JMJD1C: variants seen among roughly 807,000 people sequenced by gnomAD.
The protein encoded by JMJD1C is jumonji domain-containing protein 1C.
Under a neutral mutation model 245.3 loss-of-function variants are expected in JMJD1C, and 31 were observed. That is an observed-to-expected ratio of 0.13 (90% CI 0.09 to 0.17). The LOEUF (loss-of-function observed/expected upper bound fraction) is 0.17. Among genes scored for constraint, JMJD1C ranks in the 10% least tolerant of loss-of-function variants. JMJD1C has a pLI of 1.00. For synonymous variants in JMJD1C, 1,057 were observed against 1,017.4 expected, an observed-to-expected ratio of 1.04 and a Z score of -0.74; for missense variants, 2,691 against 3,000.2, an observed-to-expected ratio of 0.90 and a Z score of 2.41.
chr10:63,188,444 T>C (rs1844383787), intron 18 of JMJD1C, among the ~76,000 whole-genome samples: 1 of 152,216 alleles, frequency 6.6e-6, no homozygotes, highest in African/African-American at 2.4e-5. Flanking sequence ...TACTCATTTT[T>C]ACATAGCTTA....
At chr10:63,331,801 G>A (rs1248338954) in intron 2 of JMJD1C, among the ~76,000 whole-genome samples, 1 of 152,050 alleles carries the variant, frequency 6.6e-6, no homozygotes, top group Non-Finnish European at 1.5e-5. Context: ...TGTATTTTTA[G>A]TAGAGATGGG....
chr10:63,476,186 G>A (rs1415363957), intron 1 of JMJD1C, among the ~76,000 whole-genome samples: 1 of 150,816 alleles, frequency 6.6e-6, no homozygotes, highest in African/African-American at 2.4e-5. Flanking sequence ...CTCCAGCCTG[G>A]GCGACAGAAT....
At chr10:63,324,213 C>T (rs1941260605) in intron 2 of JMJD1C, among the ~76,000 whole-genome samples, 1 of 151,522 alleles carries the variant, frequency 6.6e-6, no homozygotes, top group African/African-American at 2.4e-5. Flanking sequence ...ATCCTGTGGC[C>T]CAGTCATGCT....
intron 2 of JMJD1C, among the ~76,000 whole-genome samples, chr10:63,303,510 T>C (rs1860341976): frequency 6.6e-6 from 1 of 152,210 alleles, no homozygotes; most frequent in Non-Finnish European, 1.5e-5. Flanking sequence ...TTCGTCATGT[T>C]GGCCAGGCTG....
At chr10:63,247,583 A>T (rs1852382803) in intron 3 of JMJD1C, among the ~76,000 whole-genome samples, 1 of 151,862 alleles carries the variant, frequency 6.6e-6, no homozygotes, top group African/African-American at 2.4e-5. Context: ...TCTACAAAAC[A>T]TACAAAATGT....
At chr10:63,190,717 AAGAC>A (rs1351719588) in intron 17 of JMJD1C, among the ~76,000 whole-genome samples, 173 bp downstream of exon 17, 1 of 152,202 alleles carries the variant, frequency 6.6e-6, no homozygotes, top group African/African-American at 2.4e-5. Context: ...CTTGGAAAAA[AAGAC>A]AGAAAATGCC....
chr10:63,297,064 A>G (rs1197412531), intron 2 of JMJD1C, among the ~76,000 whole-genome samples: 2 of 152,178 alleles, frequency 1.3e-5, no homozygotes, highest in Non-Finnish European at 2.9e-5. Context: ...ATCTTTTCTC[A>G]TCATCATACC....
At chr10:63,439,491 A>G (rs1165037618) in intron 1 of JMJD1C, among the ~76,000 whole-genome samples, 3 of 152,206 alleles carry the variant, frequency 2.0e-5, no homozygotes, top group African/African-American at 7.2e-5. Flanking sequence ...CTTACCAAAT[A>G]TATCCCTGAC....
In JMJD1C at chr10:63,215,174, G is replaced by GAA. The variant is rs772822713; in HGVS notation, c.1016-24_1016-23insTT. 34 of 1,511,052 alleles carry GAA rather than the reference G, an allele frequency of 2.3e-5. No homozygotes were observed. In the East Asian group the frequency reaches 7.3e-4, roughly 32 times the overall value. The allele number at this position is 1,511,052 out of a possible 1,614,324, so 93.6% of individuals were successfully genotyped here. A position where few individuals can be genotyped will look rare whatever the true frequency, so the allele number is the denominator to read the frequency against. ...TTTCTGTAGGATTAAAGAAAGAAGA[G>GAA]TCTTATTTTTCATACTAAATAAGCA... On this transcript the variant is annotated intron_variant, in intron 7 of 25. Transcript: ENST00000399262.
chr10:63,230,928 T>C (rs761867751), intron 3 of JMJD1C, among the ~76,000 whole-genome samples: 14 of 152,204 alleles, frequency 9.2e-5, no homozygotes, highest in Middle Eastern at 3.2e-3. Context: ...GAGTCTGTAT[T>C]GTCAATTTTG....
At chr10:63,427,074 G>A (rs1004304223) in intron 1 of JMJD1C, among the ~76,000 whole-genome samples, 1 of 152,166 alleles carries the variant, frequency 6.6e-6, no homozygotes, top group Non-Finnish European at 1.5e-5. Context: ...AAGTAATGCC[G>A]TCCACACTTA....
intron 2 of JMJD1C, among the ~76,000 whole-genome samples, chr10:63,347,596 A>G (rs1254393604): frequency 4.7e-5 from 7 of 150,154 alleles, no homozygotes; most frequent in Non-Finnish European, 1.0e-4. Context: ...AAAAAAAAAA[A>G]AAGAAAGAAA....
At chr10:63,345,419 G>A (rs1021224710) in intron 2 of JMJD1C, among the ~76,000 whole-genome samples, 4 of 151,144 alleles carry the variant, frequency 2.6e-5, no homozygotes, top group South Asian at 2.1e-4. Flanking sequence ...CCCAGGAGGC[G>A]GGAGGTTGCA....
At chr10:63,349,630 T>C (rs1944171199) in intron 2 of JMJD1C, among the ~76,000 whole-genome samples, 1 of 152,146 alleles carries the variant, frequency 6.6e-6, no homozygotes, top group African/African-American at 2.4e-5. Flanking sequence ...TTGCAACCAA[T>C]GGAATCCTTG....
intron 8 of JMJD1C, among the ~76,000 whole-genome samples, chr10:63,211,433 T>A (rs1164189279): frequency 6.8e-6 from 1 of 147,282 alleles, no homozygotes; most frequent in African/African-American, 2.5e-5. Context: ...ATCACTGTAC[T>A]GTAGCCTGGC....
At chr10:63,287,095 C>T (rs1048426433) in intron 2 of JMJD1C, among the ~76,000 whole-genome samples, 2 of 152,176 alleles carry the variant, frequency 1.3e-5, no homozygotes, top group Non-Finnish European at 2.9e-5. Flanking sequence ...CCTGTGGTTC[C>T]ATCTACTTAA....
chr10:63,171,254 A>G (rs1842325704), intron 24 of JMJD1C, among the ~76,000 whole-genome samples: 1 of 146,526 alleles, frequency 6.8e-6, no homozygotes, highest in African/African-American at 2.5e-5. Context: ...TGAGACAAAA[A>G]TCCTGGAGGT....
chr10:63,200,364 G>C lies in JMJD1C; in HGVS notation c.5276+112C>G. 4.1e-6 allele frequency: 3 copies of C among 733,796 alleles called. No individual in the cohort carries two copies. The South Asian group carries it at 5.3e-5, about 13-fold the overall frequency. The allele number at this position is 733,796 out of a possible 1,614,324, so 45.5% of individuals were successfully genotyped here. A position where few individuals can be genotyped will look rare whatever the true frequency, so the allele number is the denominator to read the frequency against. ...TCTTTTATAATGTTTCCAAAACATG[G>C]AGACTCAAAGACTTACTCCCCCATC... On this transcript the variant is annotated intron_variant, in intron 11 of 25. Transcript: ENST00000399262.
At chr10:63,251,037 C>T (rs1315491096) in intron 3 of JMJD1C, among the ~76,000 whole-genome samples, 1 of 152,184 alleles carries the variant, frequency 6.6e-6, no homozygotes, top group Non-Finnish European at 1.5e-5. Flanking sequence ...GCCACCATAA[C>T]CAGCCTAGGC....
Sources: allele counts gnomAD v4.1 joint callset (sites outside exome capture counted in the v4.1 genomes callset), GRCh38; gene constraint gnomAD v4.1.1; transcripts MANE v1.5; gene names NCBI Gene and HGNC (gene_info 2026-07-23, HGNC 2026-07-21).